The following XYLT1 variants were observed in gnomAD, a reference collection of about 807,000 sequenced individuals.
XYLT1 encodes beta-D-xylosyltransferase 1.
Under a neutral mutation model 91.3 loss-of-function variants are expected in XYLT1, and 36 were observed. The observed-to-expected ratio is 0.39, with a 90% CI of 0.30 to 0.52. The LOEUF is 0.52. Among genes scored for constraint, XYLT1 ranks in the 20% least tolerant of loss-of-function variants. The pLI is 0.68. For missense variants in XYLT1, 1,242 were observed against 1,284.5 expected, an observed-to-expected ratio of 0.97 and a Z score of 0.51; for synonymous variants, 588 against 532.0, an observed-to-expected ratio of 1.11 and a Z score of -1.45.
At chr16:17,148,095 C>T (rs977429175) in intron 6 of XYLT1, among the ~76,000 whole-genome samples, 1 of 152,248 alleles carries the variant, frequency 6.6e-6, no homozygotes, top group Non-Finnish European at 1.5e-5. Context: ...GGCTTAACCT[C>T]TCTGAATGCC....
chr16:17,278,777 T>A (rs954623861), intron 2 of XYLT1, among the ~76,000 whole-genome samples: 5 of 152,188 alleles, frequency 3.3e-5, no homozygotes, highest in African/African-American at 7.2e-5. Flanking sequence ...GTTACATGAC[T>A]CAGGCAAAGT....
At chr16:17,135,726 G>GTTAAAGAAATACTAAGCACC (rs1317577633) in intron 8 of XYLT1, among the ~76,000 whole-genome samples, 1 of 152,196 alleles carries the variant, frequency 6.6e-6, no homozygotes, top group Non-Finnish European at 1.5e-5. Context: ...AGGGTCCAGG[G>GTTAAAGAAATACTAAGCACC]TTAAAGAAAT....
intron 2 of XYLT1, among the ~76,000 whole-genome samples, chr16:17,288,000 C>T (rs183684064): frequency 2.7e-5 from 4 of 150,140 alleles, no homozygotes; most frequent in East Asian, 3.9e-4. Flanking sequence ...GCAGCATAAT[C>T]GTAGCTCACT....
At chr16:17,431,173 C>A (rs150415327) in intron 1 of XYLT1, among the ~76,000 whole-genome samples, 23 of 152,214 alleles carry the variant, frequency 1.5e-4, no homozygotes, top group African/African-American at 5.5e-4. Flanking sequence ...CACGAGTGGG[C>A]GTGGCTGTGT....
At chr16:17,308,800 A>G (rs2034503010) in intron 2 of XYLT1, among the ~76,000 whole-genome samples, 2 of 152,202 alleles carry the variant, frequency 1.3e-5, no homozygotes, top group Admixed American at 1.3e-4. Context: ...GTAGATGCCC[A>G]ATAAATGAAA....
At chr16:17,337,395 G>A (rs1480048935) in intron 2 of XYLT1, among the ~76,000 whole-genome samples, 2 of 152,112 alleles carry the variant, frequency 1.3e-5, no homozygotes, top group Admixed American at 6.5e-5. Context: ...GCATTGCCCA[G>A]GCTGGTCTCA....
chr16:17,121,964 A>ATG (rs1474313308), intron 10 of XYLT1, among the ~76,000 whole-genome samples: 1 of 151,034 alleles, frequency 6.6e-6, no homozygotes, highest in African/African-American at 2.4e-5. Context: ...TCCATGGGGT[A>ATG]TATATATATA....
chr16:17,466,644 C>T (rs2036900981), intron 1 of XYLT1, among the ~76,000 whole-genome samples: 1 of 152,120 alleles, frequency 6.6e-6, no homozygotes, highest in African/African-American at 2.4e-5. Context: ...AATTGATAAA[C>T]TGAAGAGAAC....
chr16:17,139,776 G>GTGAT (rs1171756143), intron 7 of XYLT1, among the ~76,000 whole-genome samples: 2 of 152,240 alleles, frequency 1.3e-5, no homozygotes, highest in African/African-American at 2.4e-5. Flanking sequence ...GAGAGAAGAG[G>GTGAT]TGATTGATTT....
intron 1 of XYLT1, among the ~76,000 whole-genome samples, chr16:17,392,406 T>A (rs2035831291): frequency 6.6e-6 from 1 of 152,146 alleles, no homozygotes; most frequent in African/African-American, 2.4e-5. Context: ...GGGACCACCC[T>A]CTTCAACACA....
intron 5 of XYLT1, among the ~76,000 whole-genome samples, chr16:17,162,816 A>G (rs891079664): frequency 6.6e-6 from 1 of 152,202 alleles, no homozygotes; most frequent in Admixed American, 6.5e-5. Flanking sequence ...TTTCAGAAGC[A>G]TTGCTGTAAG....
At chr16:17,176,250 C>T (rs74010729) in intron 5 of XYLT1, among the ~76,000 whole-genome samples, 2,674 of 152,330 alleles carry the variant, frequency 0.018, 81 homozygotes, top group African/African-American at 0.06. Context: ...AAACAGATGT[C>T]ATCTCTCCAC....
intron 2 of XYLT1, among the ~76,000 whole-genome samples, chr16:17,275,668 A>G (rs2033962581): frequency 6.6e-6 from 1 of 152,056 alleles, no homozygotes; most frequent in Non-Finnish European, 1.5e-5. Context: ...TTATTTCCCT[A>G]TACACCTTCT....
intron 2 of XYLT1, among the ~76,000 whole-genome samples, chr16:17,348,167 G>A (rs1236213318): frequency 6.6e-6 from 1 of 152,196 alleles, no homozygotes; most frequent in South Asian, 2.1e-4. Flanking sequence ...GCTTGCGGGG[G>A]AAGAAGACAC....
chr16:17,109,059 C>T lies in XYLT1; in HGVS notation c.2558-42G>A, dbSNP rs1249476616. The T allele has an allele frequency of 4.7e-6, 7 of 1,482,566 alleles. No individual in the cohort carries two copies. In the Admixed American group the frequency reaches 1.1e-4, roughly 24 times the overall value. 91.8% of individuals were successfully genotyped at this position (1,482,566 alleles called of 1,614,324 possible). A position where few individuals can be genotyped will look rare whatever the true frequency, so the allele number is the denominator to read the frequency against. ...ACAATTTCAGGATCAGAAGAGCCAC[C>T]AATAGGATGCCTATTCATACTTACC... On this transcript the variant is annotated intron_variant, in intron 11 of 11. Coordinates refer to ENST00000261381, the MANE Select transcript of XYLT1 (RefSeq NM_022166.4).
rs1567190867 is a variant in XYLT1, at chr16:17,404,042, C to T, written c.364-45992G>A. Reference sequence around the variant, plus strand: ...TATTTAAACCCCTCCTGGGAAACCGCAGCAACGTCAGACAGATTCAATGTG... The same window carrying T: ...TATTTAAACCCCTCCTGGGAAACCGTAGCAACGTCAGACAGATTCAATGTG... On this transcript the variant is annotated intron_variant, in intron 1 of 11. Transcript: ENST00000261381. 3.9e-5 allele frequency among the ~76,000 whole-genome samples: 6 copies of T among 152,230 alleles called. No individual in the cohort carries two copies. The South Asian group carries it at 8.3e-4, about 21-fold the overall frequency.
intron 5 of XYLT1, among the ~76,000 whole-genome samples, chr16:17,175,614 T>G (rs2141562022): frequency 6.6e-6 from 1 of 152,288 alleles, no homozygotes; most frequent in South Asian, 2.1e-4. Context: ...CCTGCAGAAC[T>G]TACCTCCCTG....
chr16:17,443,456 GAC>G (rs2036556006), intron 1 of XYLT1, among the ~76,000 whole-genome samples: 1 of 152,088 alleles, frequency 6.6e-6, no homozygotes, highest in South Asian at 2.1e-4. Flanking sequence ...GTTTAAAACT[GAC>G]AGTTTCCCCT....
rs1450142596 is a variant in XYLT1, at chr16:17,182,040, A to T, written c.1289+16172T>A. ...GTCATCAAACAGCTTGAAATAAAGC[A>T]GTACCTGGAGTCCCACCTGGCTATT... On this transcript the variant is annotated intron_variant, in intron 5 of 11. Coordinates refer to ENST00000261381, the MANE Select transcript of XYLT1 (RefSeq NM_022166.4). Among the ~76,000 whole-genome samples the T allele has an allele frequency of 3.3e-5, 5 of 152,212 alleles. No individual in the cohort carries two copies. The East Asian group carries it at 9.7e-4, about 29-fold the overall frequency.
Sources: allele counts gnomAD v4.1 joint callset (sites outside exome capture counted in the v4.1 genomes callset), GRCh38; gene constraint gnomAD v4.1.1; transcripts MANE v1.5; gene names NCBI Gene and HGNC (gene_info 2026-07-23, HGNC 2026-07-21).